Variants in SLC9A8 observed in about 807,000 individuals in gnomAD.
SLC9A8 encodes sodium/hydrogen exchanger 8.
In SLC9A8, 48 loss-of-function variants were observed where a neutral mutation model predicts 66.6. The ratio of observed to expected loss-of-function variants is 0.72; its 90% CI spans 0.57 to 0.92. The LOEUF (loss-of-function observed/expected upper bound fraction) is 0.92, where lower values mean the gene tolerates loss of function less well. SLC9A8 is among the 40% of genes least tolerant of loss of function. The pLI is 0.00. For synonymous variants in SLC9A8, 274 were observed against 282.6 expected, an observed-to-expected ratio of 0.97 and a Z score of 0.31; for missense variants, 599 against 747.3, an observed-to-expected ratio of 0.80 and a Z score of 2.31.
intron 8 of SLC9A8, among the ~76,000 whole-genome samples, chr20:49,857,072 G>A (rs2088524788): frequency 6.6e-6 from 1 of 152,142 alleles, no homozygotes; most frequent in South Asian, 2.1e-4. Flanking sequence ...TAACAGGCAG[G>A]CAACAAACCC....
At chr20:49,818,467 T>G (rs1006297709) in intron 2 of SLC9A8, among the ~76,000 whole-genome samples, 1 of 151,640 alleles carries the variant, frequency 6.6e-6, no homozygotes, top group Non-Finnish European at 1.5e-5. Flanking sequence ...TGATTAGATA[T>G]CCAAACATTG....
Position 49,874,311 on chromosome 20 carries a change from G to A in SLC9A8, c.959-394G>A, listed in dbSNP as rs528209150. On this transcript the variant is annotated intron_variant, in intron 10 of 15. Transcript: ENST00000361573. ...GTGCAGTGGGCCCTCAATAGCCACA[G>A]GTTCCACATCTGCCAACCCTATCCC... Among the ~76,000 whole-genome samples the A allele has an allele frequency of 3.9e-5, 6 of 152,218 alleles. 1 individual carries two copies. Among genetic ancestry groups the A allele is most frequent in the Admixed American group, 3.9e-4 (6 of 15,298 alleles).
intron 8 of SLC9A8, among the ~76,000 whole-genome samples, chr20:49,862,687 T>G (rs917212193): frequency 6.6e-6 from 1 of 152,178 alleles, no homozygotes; most frequent in African/African-American, 2.4e-5. Flanking sequence ...CTTGTTTTTC[T>G]CCCTCATTAG....
chr20:49,876,889 G>T (rs978805924), intron 11 of SLC9A8, among the ~76,000 whole-genome samples: 1 of 152,046 alleles, frequency 6.6e-6, no homozygotes. Context: ...AGAAGGGGGG[G>T]TAAATTCTCC....
At chr20:49,826,774 T>G (rs1386357779) in intron 3 of SLC9A8, among the ~76,000 whole-genome samples, 1 of 152,204 alleles carries the variant, frequency 6.6e-6, no homozygotes, top group South Asian at 2.1e-4. Flanking sequence ...CTACTATATA[T>G]AGAAAAAAGA....
At position 49,862,921 on chromosome 20, in the gene SLC9A8, T is replaced by C; in HGVS notation, c.714-8T>C. 1 of 1,596,772 alleles carries C rather than the reference T, an allele frequency of 6.3e-7. No homozygotes were observed. Among genetic ancestry groups the C allele is most frequent in the Non-Finnish European group, 8.5e-7 (1 of 1,171,588 alleles). Reference sequence around the variant, plus strand: ...TTTAATTTATTTCTGTTTTCTTTCATTTCCTAGCACAGCTGAAGGTTTAAC... The same window carrying C: ...TTTAATTTATTTCTGTTTTCTTTCACTTCCTAGCACAGCTGAAGGTTTAAC... On this transcript the variant is annotated splice_region_variant and splice_polypyrimidine_tract_variant and intron_variant, in intron 8 of 15. Coordinates refer to ENST00000361573, the MANE Select transcript of SLC9A8 (RefSeq NM_015266.3).
chr20:49,872,191 C>G (rs551468646), intron 10 of SLC9A8, among the ~76,000 whole-genome samples: 1 of 152,266 alleles, frequency 6.6e-6, no homozygotes, highest in Admixed American at 6.5e-5. Flanking sequence ...AAGTCTCCTA[C>G]CCTCTCATTT....
intron 6 of SLC9A8, among the ~76,000 whole-genome samples, chr20:49,850,027 C>G (rs180762673): frequency 6.6e-6 from 1 of 152,278 alleles, no homozygotes; most frequent in East Asian, 1.9e-4. Flanking sequence ...GTCAAGTAGA[C>G]TGAATTGGGG....
rs574384373 is a variant in SLC9A8 at position 49,834,482 on chromosome 20, T to C, written c.290-5059T>C. Among the ~76,000 whole-genome samples, 99 of 137,792 alleles carry C rather than the reference T, an allele frequency of 7.2e-4. 6 individuals carry two copies. The highest frequency in any genetic ancestry group is 1.4e-3 in the Non-Finnish European group (88 of 64,840). 90.4% of individuals were successfully genotyped at this position (137,792 alleles called of 152,430 possible). A position where few individuals can be genotyped will look rare whatever the true frequency, so the allele number is the denominator to read the frequency against. On this transcript the variant is annotated intron_variant, in intron 3 of 15. Transcript: ENST00000361573. ...TATATATACTGTGTATATATATATA[T>C]ACTGTATATATACACACACACACTA...
At chr20:49,863,782 T>C (rs1319646824) in intron 9 of SLC9A8, 2 of 152,236 alleles carry the variant, frequency 1.3e-5, no homozygotes, top group African/African-American at 4.8e-5. Flanking sequence ...ATGTTTAAAA[T>C]AGTAACAGGC....
At chr20:49,824,783 A>G (rs2086857269) in intron 3 of SLC9A8, among the ~76,000 whole-genome samples, 1 of 152,150 alleles carries the variant, frequency 6.6e-6, no homozygotes. Flanking sequence ...CTCAAGGAAG[A>G]TGGGCCCCTC....
At chr20:49,849,792 G>A in intron 6 of SLC9A8, 112 bp downstream of exon 6, 1 of 808,758 alleles carries the variant, frequency 1.2e-6, no homozygotes, top group East Asian at 2.6e-5. Context: ...TCACCCTTAA[G>A]GTAAATTCCT....
rs562381048 is a variant in SLC9A8 at position 49,886,375 on chromosome 20, G to A, written c.1492-377G>A. Reference sequence around the variant, plus strand: ...GTCCACGGTGGAGTCCTAGCTAATAGAGCCACAGGCAAAGAGACAAAAAGC... The same window carrying A: ...GTCCACGGTGGAGTCCTAGCTAATAAAGCCACAGGCAAAGAGACAAAAAGC... On this transcript the variant is annotated intron_variant, in intron 14 of 15. Transcript: ENST00000361573. The surrounding 1 kb of genome is among the most constrained non-coding windows in gnomAD (Gnocchi z 4.8). 6.0e-6 allele frequency: 1 copy of A among 167,640 alleles called. No homozygotes were observed. The highest frequency in any genetic ancestry group is 1.8e-4 in the South Asian group (1 of 5,650). 10.4% of individuals were successfully genotyped at this position (167,640 alleles called of 1,614,324 possible). A position where few individuals can be genotyped will look rare whatever the true frequency, so the allele number is the denominator to read the frequency against.
intron 3 of SLC9A8, chr20:49,831,144 A>C: frequency 5.6e-5 from 28 of 501,452 alleles, no homozygotes; most frequent in Middle Eastern, 5.1e-4. Context: ...TCTTCCTCAC[A>C]TGGGGTCAGG....
chr20:49,843,246 C>T (rs2087840087), intron 4 of SLC9A8, among the ~76,000 whole-genome samples: 1 of 152,122 alleles, frequency 6.6e-6, no homozygotes, highest in Non-Finnish European at 1.5e-5. Flanking sequence ...AGTGGTCCTG[C>T]TGCACAGATC....
rs34521669 is a variant in SLC9A8 at position 49,878,873 on chromosome 20, C to T, written c.1158+810C>T. 2.8e-3 allele frequency among the ~76,000 whole-genome samples: 433 copies of T among 152,114 alleles called. 2 individuals carry two copies. The highest frequency in any genetic ancestry group is 4.5e-3 in the Non-Finnish European group (306 of 67,984). ...TCTCTACTAAAAATACAAAATTAGCCGGGCGTGGTGATATGCGCCTGTAAT... is the reference window on the plus strand; with the variant it reads ...TCTCTACTAAAAATACAAAATTAGCTGGGCGTGGTGATATGCGCCTGTAAT... On this transcript the variant is annotated intron_variant, in intron 12 of 15. Coordinates refer to ENST00000361573, the MANE Select transcript of SLC9A8 (RefSeq NM_015266.3).
chr20:49,872,406 C>T (rs912523822), intron 10 of SLC9A8, among the ~76,000 whole-genome samples: 5 of 151,440 alleles, frequency 3.3e-5, no homozygotes, highest in Non-Finnish European at 5.9e-5. Context: ...TATTGTGTTA[C>T]AGTAAGCTTA....
intron 8 of SLC9A8, among the ~76,000 whole-genome samples, chr20:49,858,244 T>C (rs1467741111): frequency 6.6e-6 from 1 of 152,074 alleles, no homozygotes. Flanking sequence ...TTCATGTTTC[T>C]CTTGGCAGAA....
chr20:49,878,087 T>A (rs780934932), intron 12 of SLC9A8, 24 bp downstream of exon 12: 195 of 1,348,992 alleles, frequency 1.4e-4, no homozygotes, highest in Middle Eastern at 1.9e-4. Context: ...TTTTTTTTTT[T>A]AAATTTAATT....
Sources: gnomAD v4.1 joint callset for allele counts (sites outside exome capture counted in the v4.1 genomes callset) on GRCh38, gnomAD v4.1.1 for gene constraint, Gnocchi (gnomAD v3.1) non-coding constraint, MANE v1.5 for transcripts, NCBI Gene and HGNC (gene_info 2026-07-23, HGNC 2026-07-21) for gene names.